Variants in RFX3 observed in about 807,000 individuals in gnomAD.
The protein encoded by RFX3 is regulatory factor X3.
In RFX3, 14 loss-of-function variants were observed where a neutral mutation model predicts 98.6. That is an observed-to-expected ratio of 0.14 (90% confidence interval 0.09 to 0.22). The LOEUF (loss-of-function observed/expected upper bound fraction) is 0.22, where lower values mean the gene tolerates loss of function less well. RFX3 is among the 10% of genes least tolerant of loss of function. The pLI is 1.00. For synonymous variants in RFX3, 383 were observed against 328.4 expected (o/e 1.17, Z -1.80); for missense variants, 639 against 926.9 (o/e 0.69, Z 4.03).
chr9:3,478,724 T>C (rs1327750522), intron 1 of RFX3, among the ~76,000 whole-genome samples: 1 of 152,166 alleles, frequency 6.6e-6, no homozygotes, highest in Non-Finnish European at 1.5e-5. Context: ...TTGTACAGCC[T>C]TTTAAATACC....
At chr9:3,368,584 T>G (rs1837472256) in intron 2 of RFX3, among the ~76,000 whole-genome samples, 1 of 152,230 alleles carries the variant, frequency 6.6e-6, no homozygotes, top group Admixed American at 6.5e-5. Flanking sequence ...TATCATTTCC[T>G]TAACTGATTT....
At chr9:3,343,082 C>T (rs925953995) in intron 3 of RFX3, among the ~76,000 whole-genome samples, 3 of 152,122 alleles carry the variant, frequency 2.0e-5, no homozygotes, top group African/African-American at 4.8e-5. Flanking sequence ...CAGGGAGAAT[C>T]GGGTAAACAT....
chr9:3,239,905 C>G (rs1425024441), intron 15 of RFX3, among the ~76,000 whole-genome samples: 1 of 152,200 alleles, frequency 6.6e-6, no homozygotes, highest in Non-Finnish European at 1.5e-5. Flanking sequence ...TCTGAGTTCC[C>G]TTCCAGGCCC....
chr9:3,332,934 A>G (rs1832760445), intron 3 of RFX3, among the ~76,000 whole-genome samples: 1 of 152,168 alleles, frequency 6.6e-6, no homozygotes, highest in Non-Finnish European at 1.5e-5. Context: ...TATTTTCTGC[A>G]TCCTTTGCCC....
In RFX3 at chr9:3,223,009, C is replaced by G. The variant is rs916422952; in HGVS notation, c.*2033G>C. The stretch of plus-strand genomic sequence containing the variant: ...CAGCTTAAATACACTGTGTATTACC[C>G]GATAAGCCATTTGGTATTTCTAACT... On this transcript the variant is annotated 3_prime_UTR_variant, in exon 17 of 17. Coordinates refer to ENST00000617270, the MANE Select transcript of RFX3 (RefSeq NM_001282116.2). 1 of 152,048 alleles carries G rather than the reference C, an allele frequency of 6.6e-6. No homozygotes were observed. Among genetic ancestry groups the G allele is most frequent in the South Asian group, 2.1e-4 (1 of 4,824 alleles). 9.4% of individuals were successfully genotyped at this position (152,048 alleles called of 1,614,324 possible).
chr9:3,470,183 C>G (rs946459414), intron 1 of RFX3, among the ~76,000 whole-genome samples: 8 of 151,844 alleles, frequency 5.3e-5, no homozygotes, highest in African/African-American at 1.9e-4. Context: ...AAAACAACAA[C>G]AAAAAAACAG....
chr9:3,416,037 G>C (rs1042216818), intron 1 of RFX3, among the ~76,000 whole-genome samples: 2 of 152,162 alleles, frequency 1.3e-5, no homozygotes, highest in Admixed American at 6.5e-5. Flanking sequence ...GTTTCAAGGT[G>C]TAAATGACTG....
chr9:3,259,614 C>A (rs558308523), intron 13 of RFX3, among the ~76,000 whole-genome samples: 26 of 151,732 alleles, frequency 1.7e-4, no homozygotes, highest in African/African-American at 6.3e-4. Context: ...CAGGTCAGCC[C>A]ACCGAAAGCT....
At chr9:3,501,737 A>C (rs1816035515) in intron 1 of RFX3, among the ~76,000 whole-genome samples, 1 of 151,350 alleles carries the variant, frequency 6.6e-6, no homozygotes, top group Admixed American at 6.6e-5. Flanking sequence ...TTGTATTTTT[A>C]GTAGAGACAG....
rs912014818 is a variant in RFX3, at chr9:3,304,819, C to T, written c.475-3199G>A. ...TACCCAGTCTCAGATATGTCTTTAT[C>T]AGCAGCATGAGAACGGACTAATATG... On this transcript the variant is annotated intron_variant, in intron 4 of 16. Coordinates refer to ENST00000617270, the MANE Select transcript of RFX3 (RefSeq NM_001282116.2). Among the ~76,000 whole-genome samples the T allele has an allele frequency of 7.2e-5, 11 of 152,074 alleles. No homozygotes were observed. In the East Asian group the frequency reaches 2.1e-3, roughly 29 times the overall value.
chr9:3,266,455 C>T, intron 11 of RFX3, 150 bp from the exon 12 acceptor site: 2 of 449,780 alleles, frequency 4.4e-6, no homozygotes, highest in South Asian at 5.6e-5. Context: ...TAACATTATT[C>T]CTAACTTTTT....
chr9:3,253,549 AT>A (rs33964177), intron 14 of RFX3, among the ~76,000 whole-genome samples: 145,892 of 151,564 alleles, frequency 0.96, 70,483 homozygotes, highest in East Asian at 1. Context: ...AAAGGCAGTG[AT>A]TTTTTTTTTC....
intron 1 of RFX3, among the ~76,000 whole-genome samples, chr9:3,420,049 C>A (rs540027907): frequency 6.6e-6 from 1 of 152,290 alleles, no homozygotes; most frequent in East Asian, 1.9e-4. Context: ...GGGAGACTAG[C>A]TAAATGTGGC....
chr9:3,300,405 A>G, intron 5 of RFX3, among the ~76,000 whole-genome samples: 1 of 151,674 alleles, frequency 6.6e-6, no homozygotes, highest in Admixed American at 6.6e-5. Context: ...AAGACAAAAT[A>G]CCCCATCTAA....
chr9:3,505,228 A>G (rs1439463994), intron 1 of RFX3, among the ~76,000 whole-genome samples: 3 of 71,402 alleles, frequency 4.2e-5, no homozygotes, highest in Non-Finnish European at 6.0e-5. Context: ...ATATTTATAT[A>G]TGAATATATA....
intron 1 of RFX3, among the ~76,000 whole-genome samples, chr9:3,417,378 C>G (rs1296128345): frequency 1.3e-5 from 2 of 151,868 alleles, no homozygotes. Flanking sequence ...GAATATATAC[C>G]CTTCTCAAGT....
At chr9:3,488,205 A>G (rs1462467097) in intron 1 of RFX3, among the ~76,000 whole-genome samples, 1 of 152,210 alleles carries the variant, frequency 6.6e-6, no homozygotes, top group Non-Finnish European at 1.5e-5. Context: ...AAACACATAT[A>G]GAATTGTTCT....
chr9:3,242,598 G>A (rs1052812253), intron 15 of RFX3, among the ~76,000 whole-genome samples: 3 of 152,092 alleles, frequency 2.0e-5, no homozygotes, highest in African/African-American at 7.2e-5. Context: ...TACTATGAAT[G>A]TAATTCTACT....
At chr9:3,518,987 CTATT>C (rs1246865117) in intron 1 of RFX3, among the ~76,000 whole-genome samples, 74 of 152,172 alleles carry the variant, frequency 4.9e-4, no homozygotes, top group African/African-American at 1.3e-3. Context: ...ACTGACTAGA[CTATT>C]TATTATTATT....
Sources: gnomAD v4.1 joint callset for allele counts (sites outside exome capture counted in the v4.1 genomes callset) on GRCh38, gnomAD v4.1.1 for gene constraint, MANE v1.5 for transcripts, NCBI Gene and HGNC (gene_info 2026-07-23, HGNC 2026-07-21) for gene names.